The following RHOBTB1 variants were observed in gnomAD, a reference collection of about 807,000 sequenced individuals.
RHOBTB1 encodes the protein rho-related BTB domain-containing protein 1.
Under a neutral mutation model 71.6 loss-of-function variants are expected in RHOBTB1, and 40 were observed. The ratio of observed to expected loss-of-function variants is 0.56; its 90% CI spans 0.43 to 0.73. The LOEUF is 0.73. Ranked by LOEUF, RHOBTB1 falls within the 30% of genes least tolerant of loss-of-function variation. The pLI, the probability that RHOBTB1 is intolerant of heterozygous loss-of-function variation, is 0.00. For synonymous variants in RHOBTB1, 319 were observed against 334.9 expected (o/e 0.95, Z 0.52); for missense variants, 797 against 894.0 (o/e 0.89, Z 1.38).
intron 4 of RHOBTB1, among the ~76,000 whole-genome samples, chr10:60,895,320 CT>C (rs993634731): frequency 7.9e-5 from 12 of 152,072 alleles, no homozygotes; most frequent in Admixed American, 3.9e-4. Flanking sequence ...AAAAGGTCTT[CT>C]TTTTTTTCAT....
chr10:60,968,895 G>A (rs1257922529), intron 2 of RHOBTB1, among the ~76,000 whole-genome samples: 1 of 152,114 alleles, frequency 6.6e-6, no homozygotes, highest in Non-Finnish European at 1.5e-5. Context: ...TTGGCAGTTT[G>A]TTGAATGGTC....
At chr10:60,915,096 A>G (rs1341993396) in intron 2 of RHOBTB1, among the ~76,000 whole-genome samples, 1 of 152,240 alleles carries the variant, frequency 6.6e-6, no homozygotes, top group African/African-American at 2.4e-5. Context: ...ATCACAGCCA[A>G]GGATGGAAAC....
chr10:60,945,049 C>G (rs138316357), upstream of RHOBTB1, among the ~76,000 whole-genome samples: 2 of 152,124 alleles, frequency 1.3e-5, no homozygotes, highest in African/African-American at 4.8e-5. Flanking sequence ...GAGGACAGAA[C>G]CAGGGGTAGT....
chr10:60,889,324 A>C, intron 5 of RHOBTB1, 139 bp from the exon 6 acceptor site: 1 of 756,496 alleles, frequency 1.3e-6, no homozygotes, highest in Non-Finnish European at 2.0e-6. Flanking sequence ...ATCTGCCACC[A>C]CCTCAAGTCT....
downstream of RHOBTB1, among the ~76,000 whole-genome samples, chr10:60,867,927 A>G (rs920612689): frequency 6.6e-6 from 1 of 152,214 alleles, no homozygotes; most frequent in African/African-American, 2.4e-5. Context: ...CATACAATAA[A>G]TTAAGTCGAG....
chr10:60,880,818 C>T (rs1044314716), intron 7 of RHOBTB1, among the ~76,000 whole-genome samples: 6 of 152,130 alleles, frequency 3.9e-5, no homozygotes, highest in East Asian at 1.9e-4. Context: ...CGTGTATGCT[C>T]GCATACATAT....
intron 1 of RHOBTB1, among the ~76,000 whole-genome samples, chr10:60,943,278 C>G (rs190424654): frequency 3.7e-4 from 56 of 152,346 alleles, no homozygotes; most frequent in African/African-American, 1.3e-3. Context: ...AACGGTGCAG[C>G]TAACAGTAGG....
intron 2 of RHOBTB1, among the ~76,000 whole-genome samples, chr10:60,920,123 G>A (rs932350522): frequency 5.3e-5 from 8 of 151,704 alleles, no homozygotes; most frequent in South Asian, 2.1e-4. Flanking sequence ...CCCTTTCCTC[G>A]TGCCCTTAAC....
Position 60,955,339 on chromosome 10 carries a change from C to A in RHOBTB1, c.-61-13485G>T, listed in dbSNP as rs112308913. Among the ~76,000 whole-genome samples the A allele has an allele frequency of 8.6e-3, 1,299 of 151,920 alleles. 13 individuals carry two copies. The highest frequency in any genetic ancestry group is 0.03 in the African/African-American group (1,219 of 41,254). ...TACAGGCATGAACCACCACACCCAG[C>A]CAGCAAGGGGAACCTTCTTTATGGT... On this transcript the variant is annotated intron_variant, in intron 2 of 11. Transcript: ENST00000357917.
chr10:60,951,120 C>T (rs2085394934), intron 2 of RHOBTB1, among the ~76,000 whole-genome samples: 1 of 152,186 alleles, frequency 6.6e-6, no homozygotes, highest in South Asian at 2.1e-4. Context: ...ATATACATGT[C>T]ATTTAATCTA....
chr10:60,994,741 T>C (rs1448824683), intron 1 of RHOBTB1, among the ~76,000 whole-genome samples: 4 of 151,922 alleles, frequency 2.6e-5, no homozygotes, highest in Non-Finnish European at 1.5e-5. Context: ...ATAAACTAAA[T>C]AAAAAATAAC....
Position 60,927,710 on chromosome 10 carries a change from A to G in RHOBTB1, c.-11+14094T>C, listed in dbSNP as rs143884652. The stretch of plus-strand genomic sequence containing the variant: ...CTGTCTCATGCTGTATACAAAAATT[A>G]AATCAAAATAGATTAAATACTTATA... On this transcript the variant is annotated intron_variant, in intron 2 of 10. Coordinates refer to ENST00000337910, the MANE Select transcript of RHOBTB1 (RefSeq NM_014836.5). 6.3e-3 allele frequency among the ~76,000 whole-genome samples: 967 copies of G among 152,334 alleles called. 11 individuals are homozygous for G. The highest frequency in any genetic ancestry group is 0.022 in the African/African-American group (919 of 41,580).
At chr10:60,872,560 C>T (rs938079674) in intron 9 of RHOBTB1, among the ~76,000 whole-genome samples, 1 of 151,892 alleles carries the variant, frequency 6.6e-6, no homozygotes, top group Non-Finnish European at 1.5e-5. Flanking sequence ...CTCGCCCTCC[C>T]GCCCTCCCCT....
At chr10:60,910,734 A>T (rs932272737) in intron 4 of RHOBTB1, 153 bp downstream of exon 4, 2 of 560,294 alleles carry the variant, frequency 3.6e-6, no homozygotes, top group African/African-American at 1.9e-5. Flanking sequence ...AAACAATACC[A>T]TTTTTTTTTC....
At chr10:60,905,246 C>T (rs375873349) in intron 4 of RHOBTB1, among the ~76,000 whole-genome samples, 5 of 151,646 alleles carry the variant, frequency 3.3e-5, no homozygotes, top group South Asian at 2.1e-4. Flanking sequence ...GTCAGCAGTT[C>T]GAGACCACCC....
chr10:60,931,689 G>T (rs546567808), intron 2 of RHOBTB1, among the ~76,000 whole-genome samples: 1 of 151,934 alleles, frequency 6.6e-6, no homozygotes, highest in Non-Finnish European at 1.5e-5. Flanking sequence ...CACATAAATT[G>T]TTTTTTCAAA....
chr10:61,001,009 C>T (rs560559957), intron 1 of RHOBTB1, among the ~76,000 whole-genome samples: 32 of 152,180 alleles, frequency 2.1e-4, no homozygotes, highest in Non-Finnish European at 4.3e-4. Flanking sequence ...GTGACTTTAT[C>T]TCTCTAATCC....
intron 4 of RHOBTB1, among the ~76,000 whole-genome samples, chr10:60,899,297 G>T (rs543044784): frequency 6.6e-6 from 1 of 152,314 alleles, no homozygotes; most frequent in East Asian, 1.9e-4. Context: ...CTAAACAGAC[G>T]AAGGTGAAAT....
chr10:60,998,917 T>C (rs2087156324), intron 1 of RHOBTB1, among the ~76,000 whole-genome samples: 1 of 152,258 alleles, frequency 6.6e-6, no homozygotes, highest in Admixed American at 6.5e-5. Flanking sequence ...GGCTTTTCTA[T>C]TCATAAACTG....
Sources: allele counts gnomAD v4.1 joint callset (sites outside exome capture counted in the v4.1 genomes callset), GRCh38; gene constraint gnomAD v4.1.1; transcripts MANE v1.5; gene names NCBI Gene and HGNC (gene_info 2026-07-23, HGNC 2026-07-21).